MSRB3: variants seen among roughly 807,000 people sequenced by gnomAD.
MSRB3 encodes methionine sulfoxide reductase B3, also known as methionine-R-sulfoxide reductase B3.
MSRB3 carries 13 observed loss-of-function variants against 21.0 expected under a neutral mutation model. That is an observed-to-expected ratio of 0.62 (90% CI 0.40 to 0.98). The LOEUF (loss-of-function observed/expected upper bound fraction) is 0.98, where lower values mean the gene tolerates loss of function less well. Ranked by LOEUF, MSRB3 falls within the 50% of genes least tolerant of loss-of-function variation. MSRB3 has a pLI of 0.00. For missense variants in MSRB3, 199 were observed against 230.3 expected, an observed-to-expected ratio of 0.86 and a Z score of 0.88; for synonymous variants, 87 against 88.6, an observed-to-expected ratio of 0.98 and a Z score of 0.10.
At chr12:65,322,952 C>G (rs1375934399) in intron 2 of MSRB3, among the ~76,000 whole-genome samples, 2 of 152,090 alleles carry the variant, frequency 1.3e-5, no homozygotes, top group Non-Finnish European at 2.9e-5. Flanking sequence ...CCACTTTAAT[C>G]ATAAAAACAA....
At chr12:65,375,245 G>C (rs1382568775) in intron 5 of MSRB3, among the ~76,000 whole-genome samples, 1 of 152,262 alleles carries the variant, frequency 6.6e-6, no homozygotes, top group South Asian at 2.1e-4. Flanking sequence ...AGGCATAGTG[G>C]CTAAGTGCTG....
At chr12:65,346,095 T>C (rs1440488485) in intron 4 of MSRB3, among the ~76,000 whole-genome samples, 1 of 152,180 alleles carries the variant, frequency 6.6e-6, no homozygotes, top group African/African-American at 2.4e-5. Flanking sequence ...TTTGGGTATA[T>C]ACCCAGTAAT....
At chr12:65,292,061 A>G (rs1239087680) in intron 1 of MSRB3, among the ~76,000 whole-genome samples, 1 of 152,202 alleles carries the variant, frequency 6.6e-6, no homozygotes, top group Non-Finnish European at 1.5e-5. Context: ...CTGATTGGAT[A>G]TAAAGTCTAA....
intron 4 of MSRB3, among the ~76,000 whole-genome samples, chr12:65,347,570 C>T (rs1025639736): frequency 1.3e-5 from 2 of 152,026 alleles, no homozygotes. Context: ...AGCTGAATAC[C>T]CTCTATTTCT....
In MSRB3 at chr12:65,463,674, TCTC is replaced by T. The variant is rs551426975; in HGVS notation, c.*356_*358del. 2.0e-3 allele frequency: 671 copies of T among 327,686 alleles called. 8 individuals are homozygous for T. Among genetic ancestry groups the T allele is most frequent in the South Asian group, 9.7e-3 (365 of 37,746 alleles). The allele number at this position is 327,686 out of a possible 1,614,324, so 20.3% of individuals were successfully genotyped here. On this transcript the variant is annotated 3_prime_UTR_variant, in exon 7 of 7. Coordinates refer to ENST00000308259, the MANE Select transcript of MSRB3 (RefSeq NM_001031679.3). ...TGGTCTTCAAACATGAAAATAGAGATCTCCTCTGCAGTGTAGAGACCAGAGCTG... is the reference window on the plus strand; with the variant it reads ...TGGTCTTCAAACATGAAAATAGAGATCTCTGCAGTGTAGAGACCAGAGCTG...
chr12:65,408,806 T>C (rs1007170266), intron 5 of MSRB3, among the ~76,000 whole-genome samples: 3 of 152,186 alleles, frequency 2.0e-5, no homozygotes, highest in African/African-American at 7.2e-5. Context: ...TTTCTTTCTC[T>C]GAGATTGATT....
At chr12:65,393,855 T>A (rs1294892031) in intron 5 of MSRB3, among the ~76,000 whole-genome samples, 1 of 152,110 alleles carries the variant, frequency 6.6e-6, no homozygotes, top group Non-Finnish European at 1.5e-5. Flanking sequence ...TGGGTACTTC[T>A]AGATTCTTTA....
At chr12:65,349,855 A>C (rs1876815727) in intron 4 of MSRB3, among the ~76,000 whole-genome samples, 1 of 151,972 alleles carries the variant, frequency 6.6e-6, no homozygotes, top group Non-Finnish European at 1.5e-5. Context: ...CCCGTTTTGT[A>C]GGTTGACTGT....
intron 1 of MSRB3, chr12:65,279,082 G>T: frequency 7.1e-7 from 1 of 1,400,764 alleles, no homozygotes; most frequent in Non-Finnish European, 9.2e-7. Flanking sequence ...GTCAGGGCTG[G>T]TTTCCCCCCA....
At chr12:65,338,423 C>G (rs1875925360) in intron 4 of MSRB3, among the ~76,000 whole-genome samples, 1 of 152,102 alleles carries the variant, frequency 6.6e-6, no homozygotes, top group South Asian at 2.1e-4. Context: ...ATATACTACT[C>G]CTGGAACTTA....
At chr12:65,344,572 G>A (rs1876363196) in intron 4 of MSRB3, among the ~76,000 whole-genome samples, 1 of 151,746 alleles carries the variant, frequency 6.6e-6, no homozygotes, top group African/African-American at 2.4e-5. Context: ...CCCAGAACTG[G>A]GTCTTTTTCT....
chr12:65,350,956 G>T (rs1403187668), intron 4 of MSRB3, among the ~76,000 whole-genome samples: 2 of 148,518 alleles, frequency 1.3e-5, no homozygotes, highest in African/African-American at 5.0e-5. Flanking sequence ...TCTGCACCAA[G>T]CGGACCTAAT....
intron 6 of MSRB3, among the ~76,000 whole-genome samples, chr12:65,462,344 C>A (rs545407920): frequency 1.8e-4 from 28 of 152,178 alleles, no homozygotes; most frequent in Non-Finnish European, 3.7e-4. Flanking sequence ...ACTGAGCCAG[C>A]CTTTTTGGAG....
intron 5 of MSRB3, among the ~76,000 whole-genome samples, chr12:65,394,255 G>A (rs1035108334): frequency 6.6e-6 from 1 of 151,872 alleles, no homozygotes; most frequent in African/African-American, 2.4e-5. Context: ...AATTTCAAGA[G>A]GATATAATTG....
intron 5 of MSRB3, among the ~76,000 whole-genome samples, chr12:65,434,915 C>T (rs999414962): frequency 2.6e-5 from 4 of 151,822 alleles, no homozygotes; most frequent in South Asian, 2.1e-4. Flanking sequence ...ATAGTAGAGC[C>T]GGGATCGATT....
chr12:65,292,442 GTCATCA>G (rs373202589), intron 1 of MSRB3, among the ~76,000 whole-genome samples: 1 of 151,732 alleles, frequency 6.6e-6, no homozygotes, highest in Non-Finnish European at 1.5e-5. Flanking sequence ...CATTGTCATC[GTCATCA>G]TCATCATCAT....
intron 3 of MSRB3, 69 bp from the exon 4 acceptor site, chr12:65,328,457 T>C: frequency 1.8e-6 from 2 of 1,126,056 alleles, no homozygotes; most frequent in South Asian, 2.5e-5. Flanking sequence ...AGAAATATAT[T>C]TTAAGCAAAT....
At chr12:65,341,370 GGAGA>G (rs58071061) in intron 4 of MSRB3, among the ~76,000 whole-genome samples, 3 of 150,982 alleles carry the variant, frequency 2.0e-5, no homozygotes, top group African/African-American at 4.9e-5. Flanking sequence ...TTGAACTCAT[GGAGA>G]GAGAGAGAGA....
chr12:65,433,806 T>C (rs1881993762), intron 5 of MSRB3, among the ~76,000 whole-genome samples: 1 of 151,928 alleles, frequency 6.6e-6, no homozygotes, highest in East Asian at 1.9e-4. Flanking sequence ...GTCTCCAAGA[T>C]TCTCTCTTAG....
Sources: allele counts gnomAD v4.1 joint callset (sites outside exome capture counted in the v4.1 genomes callset), GRCh38; gene constraint gnomAD v4.1.1; transcripts MANE v1.5; gene names NCBI Gene and HGNC (gene_info 2026-07-23, HGNC 2026-07-21).